The following LRRC37A2 variants were observed in gnomAD, a reference collection of about 807,000 sequenced individuals.
The protein encoded by LRRC37A2 is leucine-rich repeat-containing protein 37A2.
A neutral mutation model predicts 68.8 loss-of-function variants in LRRC37A2; 9 were observed. The ratio of observed to expected loss-of-function variants is 0.13; its 90% confidence interval spans 0.08 to 0.23. The LOEUF is 0.23. Among genes scored for constraint, LRRC37A2 ranks in the 10% least tolerant of loss-of-function variants. The probability of loss-of-function intolerance (pLI) is 1.00; values close to 1 mark genes in which losing one functional copy is unlikely to be tolerated. For missense variants in LRRC37A2, 168 were observed against 950.4 expected (o/e 0.18, Z 10.82); for synonymous variants, 63 against 367.6 (o/e 0.17, Z 9.48).
the LRRC37A2 span, chr17:46,757,406 G>GA: frequency 6.6e-6 from 1 of 152,488 alleles, no homozygotes; most frequent in Non-Finnish European, 1.5e-5. Flanking sequence ...AAACTGTATT[G>GA]AAAAAATATT....
At chr17:46,633,637 A>G in the LRRC37A2 span, among the ~76,000 whole-genome samples, 2 of 125,974 alleles carry the variant, frequency 1.6e-5, no homozygotes, top group Admixed American at 8.1e-5. Flanking sequence ...ACATTTTTCA[A>G]TGTTTAAGTA....
chr17:46,967,521 G>A, the LRRC37A2 span, among the ~76,000 whole-genome samples: 1 of 152,210 alleles, frequency 6.6e-6, no homozygotes, highest in Non-Finnish European at 1.5e-5. Flanking sequence ...CTCAAAGGGC[G>A]AAGAGAAGGA....
intron 6 of LRRC37A2, among the ~76,000 whole-genome samples, chr17:46,525,714 T>C (rs2052653494): frequency 8.8e-6 from 1 of 113,452 alleles, no homozygotes; most frequent in Non-Finnish European, 1.9e-5. Context: ...TGATAAAAAT[T>C]AATGAATTCA....
chr17:46,780,253 G>A, the LRRC37A2 span, among the ~76,000 whole-genome samples: 15 of 152,314 alleles, frequency 9.8e-5, no homozygotes, highest in East Asian at 1.4e-3. Context: ...GCTGATGGGG[G>A]TCTGACTGTG....
the LRRC37A2 span, among the ~76,000 whole-genome samples, chr17:46,860,092 T>C: frequency 6.6e-6 from 1 of 152,200 alleles, no homozygotes; most frequent in Admixed American, 6.5e-5. Flanking sequence ...CTGATAAGAA[T>C]CACTGTGTTT....
chr17:46,489,291 C>T, the LRRC37A2 span, among the ~76,000 whole-genome samples: 6 of 86,988 alleles, frequency 6.9e-5, no homozygotes, highest in Non-Finnish European at 1.2e-4. Context: ...GTGCTTGCCA[C>T]CATGCTTGGC....
the LRRC37A2 span, chr17:46,963,728 T>C: frequency 0.45 from 67,845 of 151,988 alleles, 15,379 homozygotes; most frequent in South Asian, 0.52. Context: ...CAAGGGAGTG[T>C]GCCTTGTTCC....
At chr17:46,490,099 G>A in the LRRC37A2 span, among the ~76,000 whole-genome samples, 1 of 151,060 alleles carries the variant, frequency 6.6e-6, no homozygotes. Context: ...GTACAGTATA[G>A]GATGGACTAG....
At chr17:46,931,437 G>A in the LRRC37A2 span, 1 of 556,530 alleles carries the variant, frequency 1.8e-6, no homozygotes, top group Non-Finnish European at 3.2e-6. Flanking sequence ...TTACCTCTTT[G>A]GTGTCATTTT....
chr17:46,903,487 C>A, the LRRC37A2 span, among the ~76,000 whole-genome samples: 1 of 152,076 alleles, frequency 6.6e-6, no homozygotes, highest in South Asian at 2.1e-4. Context: ...TCCAGAGGTT[C>A]CCTACCTCTG....
At chr17:46,467,423 C>T in the LRRC37A2 span, among the ~76,000 whole-genome samples, 1 of 86,148 alleles carries the variant, frequency 1.2e-5, no homozygotes, top group South Asian at 5.1e-4. Context: ...TTGGGTCTAA[C>T]GGACCCTAAT....
At chr17:46,715,917 C>T in the LRRC37A2 span, among the ~76,000 whole-genome samples, 38,074 of 152,044 alleles carry the variant, frequency 0.25, 5,976 homozygotes, top group Non-Finnish European at 0.33. Flanking sequence ...CCGGATCATC[C>T]GTGCACTCTT....
the LRRC37A2 span, among the ~76,000 whole-genome samples, chr17:46,788,232 T>G: frequency 6.6e-6 from 1 of 152,322 alleles, no homozygotes; most frequent in East Asian, 1.9e-4. Flanking sequence ...GAATTCTAAT[T>G]CAAATTTTTC....
At chr17:46,819,394 C>A in the LRRC37A2 span, among the ~76,000 whole-genome samples, 1 of 152,122 alleles carries the variant, frequency 6.6e-6, no homozygotes, top group African/African-American at 2.4e-5. The surrounding 1 kb of genome is among the most constrained non-coding windows in gnomAD (Gnocchi z 5.3). Flanking sequence ...GGACCTCCTG[C>A]TGCCTTTGCA....
the LRRC37A2 span, chr17:46,929,470 C>G: frequency 1.1e-6 from 1 of 909,700 alleles, no homozygotes; most frequent in Non-Finnish European, 1.9e-6. Context: ...CTGACTGAAG[C>G]GCTGTTGATT....
At chr17:46,495,575 A>G in the LRRC37A2 span, among the ~76,000 whole-genome samples, 2 of 149,640 alleles carry the variant, frequency 1.3e-5, no homozygotes, top group Admixed American at 1.3e-4. Context: ...AGTAGAGATG[A>G]GGTTTCACCA....
chr17:46,801,239 G>A, the LRRC37A2 span, among the ~76,000 whole-genome samples: 8 of 152,164 alleles, frequency 5.3e-5, no homozygotes, highest in Non-Finnish European at 1.0e-4. Flanking sequence ...GAGAGGAGCG[G>A]GTGCAGGGCG....
chr17:46,874,114 A>G, the LRRC37A2 span, among the ~76,000 whole-genome samples: 1 of 151,994 alleles, frequency 6.6e-6, no homozygotes, highest in African/African-American at 2.4e-5. Flanking sequence ...GGACATCACC[A>G]GCACCCAGAT....
At chr17:46,494,798 C>T in the LRRC37A2 span, among the ~76,000 whole-genome samples, 1 of 151,124 alleles carries the variant, frequency 6.6e-6, no homozygotes, top group Non-Finnish European at 1.5e-5. Context: ...TATCCATCAT[C>T]TCAGATGTTT....
Sources: gnomAD v4.1 joint callset for allele counts (sites outside exome capture counted in the v4.1 genomes callset) on GRCh38, gnomAD v4.1.1 for gene constraint, Gnocchi (gnomAD v3.1) non-coding constraint, MANE v1.5 for transcripts, NCBI Gene and HGNC (gene_info 2026-07-23, HGNC 2026-07-21) for gene names.